DIPK1A: variants seen among roughly 807,000 people sequenced by gnomAD.
DIPK1A encodes the protein family with sequence similarity 69 member A.
Under a neutral mutation model 40.8 loss-of-function variants are expected in DIPK1A, and 27 were observed. The ratio of observed to expected loss-of-function variants is 0.66; its 90% CI spans 0.49 to 0.91. DIPK1A has a LOEUF of 0.91. DIPK1A is among the 40% of genes least tolerant of loss of function. The probability of loss-of-function intolerance (pLI) is 0.00; values close to 1 mark genes in which losing one functional copy is unlikely to be tolerated. For synonymous variants in DIPK1A, 166 were observed against 171.3 expected, an observed-to-expected ratio of 0.97 and a Z score of 0.24; for missense variants, 412 against 505.7, an observed-to-expected ratio of 0.81 and a Z score of 1.78.
chr1:92,851,542 C>CAAGAAAAAA (rs1687819686), intron 2 of DIPK1A, among the ~76,000 whole-genome samples: 1 of 34,766 alleles, frequency 2.9e-5, no homozygotes, highest in Non-Finnish European at 4.9e-5. Context: ...GACCCTATCT[C>CAAGAAAAAA]AAAAAAAAAA....
chr1:92,943,898 A>T (rs775952483), intron 1 of DIPK1A, among the ~76,000 whole-genome samples: 2 of 152,248 alleles, frequency 1.3e-5, no homozygotes, highest in Non-Finnish European at 2.9e-5. Flanking sequence ...AGCAGCATGA[A>T]AAAGAAGAGC....
At chr1:92,873,109 G>T (rs1299953003) in intron 2 of DIPK1A, among the ~76,000 whole-genome samples, 1 of 152,174 alleles carries the variant, frequency 6.6e-6, no homozygotes, top group African/African-American at 2.4e-5. Context: ...ATAAAAGTCA[G>T]CTCACCATTC....
At chr1:92,881,938 A>G (rs981569566) in intron 1 of DIPK1A, among the ~76,000 whole-genome samples, 7 of 152,222 alleles carry the variant, frequency 4.6e-5, no homozygotes, top group African/African-American at 1.4e-4. Context: ...TGTTTAATGT[A>G]CATATTTAAA....
At chr1:92,952,257 T>C (rs147596124) in intron 1 of DIPK1A, among the ~76,000 whole-genome samples, 176 of 152,286 alleles carry the variant, frequency 1.2e-3, no homozygotes, top group African/African-American at 3.4e-3. Context: ...TGTATATGTA[T>C]ATACAAACAT....
intron 2 of DIPK1A, among the ~76,000 whole-genome samples, chr1:92,871,197 C>T (rs1251774487): frequency 6.6e-6 from 1 of 151,972 alleles, no homozygotes; most frequent in Admixed American, 6.6e-5. Flanking sequence ...CTAAGTTTCG[C>T]TCTTGTTGAC....
intron 1 of DIPK1A, among the ~76,000 whole-genome samples, chr1:92,936,165 T>C (rs1379137312): frequency 6.6e-6 from 1 of 152,104 alleles, no homozygotes; most frequent in Non-Finnish European, 1.5e-5. Flanking sequence ...AAAAAAGCTG[T>C]AGATTTGGCT....
intron 2 of DIPK1A, among the ~76,000 whole-genome samples, chr1:92,868,024 A>G (rs1266574100): frequency 6.6e-6 from 1 of 152,198 alleles, no homozygotes; most frequent in African/African-American, 2.4e-5. Flanking sequence ...TGTTCAACGG[A>G]TATGTCAGAG....
chr1:92,949,635 TTTC>T (rs1651548470), intron 1 of DIPK1A, among the ~76,000 whole-genome samples: 1 of 152,158 alleles, frequency 6.6e-6, no homozygotes, highest in African/African-American at 2.4e-5. Flanking sequence ...TGTGTACAGT[TTTC>T]TTTAGAGATA....
At chr1:92,893,118 C>G (rs886207987) in intron 1 of DIPK1A, among the ~76,000 whole-genome samples, 1 of 151,862 alleles carries the variant, frequency 6.6e-6, no homozygotes, top group Admixed American at 6.6e-5. Context: ...GCTAGCAAGG[C>G]AGGCCAACAT....
chr1:92,890,876 T>C (rs896985338), intron 1 of DIPK1A, among the ~76,000 whole-genome samples: 1 of 152,156 alleles, frequency 6.6e-6, no homozygotes, highest in African/African-American at 2.4e-5. Flanking sequence ...CTGGGAGAGT[T>C]TGAGAATTGG....
chr1:92,919,924 G>GGAAA, intron 1 of DIPK1A, among the ~76,000 whole-genome samples: 1 of 152,306 alleles, frequency 6.6e-6, no homozygotes, highest in South Asian at 2.1e-4. Flanking sequence ...ATGGAAAACT[G>GGAAA]CCATTAATCG....
intron 1 of DIPK1A, among the ~76,000 whole-genome samples, chr1:92,887,423 C>G (rs2100795150): frequency 6.6e-6 from 1 of 152,098 alleles, no homozygotes; most frequent in Middle Eastern, 3.4e-3. Flanking sequence ...GAGACCCTGT[C>G]TCAAAAACAA....
intron 1 of DIPK1A, among the ~76,000 whole-genome samples, chr1:92,881,757 A>T (rs1389553905): frequency 6.6e-6 from 1 of 152,230 alleles, no homozygotes. Context: ...TAGAAAGAGA[A>T]ATCACCAAAA....
At chr1:92,850,481 G>T (rs1302480400) in intron 3 of DIPK1A, among the ~76,000 whole-genome samples, 1 of 152,150 alleles carries the variant, frequency 6.6e-6, no homozygotes, top group African/African-American at 2.4e-5. Context: ...AGGAGTTCGA[G>T]ACCAGCCTGG....
chr1:92,863,900 C>CA (rs1292404498), intron 2 of DIPK1A, among the ~76,000 whole-genome samples: 1 of 151,568 alleles, frequency 6.6e-6, no homozygotes, highest in Non-Finnish European at 1.5e-5. Flanking sequence ...ACTAAAAATA[C>CA]AAAAAAATTA....
downstream of DIPK1A, chr1:92,841,627 T>C (rs1687365894): frequency 3.9e-6 from 2 of 516,044 alleles, no homozygotes; most frequent in Admixed American, 3.7e-5. Flanking sequence ...GTAAATGTAT[T>C]TGAACTTGGA....
chr1:92,837,444 A>T (rs375148060), downstream of DIPK1A: 3 of 1,608,434 alleles, frequency 1.9e-6, no homozygotes, highest in African/African-American at 4.0e-5. Flanking sequence ...AATATGAATA[A>T]CTTTATTTTA....
At chr1:92,934,857 A>G (rs983854555) in intron 1 of DIPK1A, among the ~76,000 whole-genome samples, 3 of 152,162 alleles carry the variant, frequency 2.0e-5, no homozygotes, top group African/African-American at 7.2e-5. Context: ...ACTGCTATAC[A>G]TGGACAACAA....
In DIPK1A at chr1:92,847,370, A is replaced by G; in HGVS notation, c.298-11T>C. 1 of 1,585,058 alleles carries G rather than the reference A, an allele frequency of 6.3e-7. No homozygotes were observed. Among genetic ancestry groups the G allele is most frequent in the African/African-American group, 1.4e-5 (1 of 73,672 alleles). On this transcript the variant is annotated splice_polypyrimidine_tract_variant and intron_variant, in intron 3 of 4. Coordinates refer to ENST00000370310, the MANE Select transcript of DIPK1A (RefSeq NM_001006605.5). ...AATCCCTAAATACATCTATGTAAAA[A>G]AGAGTGGCAAGTTATGTATTATACT...
Sources: allele counts gnomAD v4.1 joint callset (sites outside exome capture counted in the v4.1 genomes callset), GRCh38; gene constraint gnomAD v4.1.1; transcripts MANE v1.5; gene names NCBI Gene and HGNC (gene_info 2026-07-23, HGNC 2026-07-21).